Variants in CEP112 observed in about 807,000 individuals in gnomAD.
CEP112 encodes centrosomal protein 112.
CEP112 carries 127 observed loss-of-function variants against 153.0 expected under a neutral mutation model. The observed-to-expected ratio is 0.83, with a 90% CI of 0.72 to 0.96. CEP112 has a LOEUF of 0.96. Ranked by LOEUF, CEP112 falls within the 40% of genes least tolerant of loss-of-function variation. The probability of loss-of-function intolerance (pLI) is 0.00; values close to 1 mark genes in which losing one functional copy is unlikely to be tolerated. For synonymous variants in CEP112, 358 were observed against 374.4 expected, an observed-to-expected ratio of 0.96 and a Z score of 0.51; for missense variants, 1,089 against 1,101.2, an observed-to-expected ratio of 0.99 and a Z score of 0.16.
At chr17:65,706,609 T>C (rs1233238904) in intron 23 of CEP112, among the ~76,000 whole-genome samples, 1 of 152,228 alleles carries the variant, frequency 6.6e-6, no homozygotes, top group African/African-American at 2.4e-5. Context: ...TTCCCTCTCC[T>C]TCCACTCACC....
At chr17:65,976,257 T>G (rs1021375817) in intron 17 of CEP112, among the ~76,000 whole-genome samples, 5 of 152,260 alleles carry the variant, frequency 3.3e-5, no homozygotes, top group Admixed American at 1.3e-4. Flanking sequence ...AACCTTCACC[T>G]GGCCACACAC....
At chr17:65,949,809 C>T (rs556897966) in intron 18 of CEP112, among the ~76,000 whole-genome samples, 2 of 152,098 alleles carry the variant, frequency 1.3e-5, no homozygotes, top group African/African-American at 4.8e-5. Context: ...CTGGTAACAT[C>T]CTCATTTTGT....
intron 23 of CEP112, among the ~76,000 whole-genome samples, chr17:65,719,386 C>T (rs2049739300): frequency 6.6e-6 from 1 of 152,114 alleles, no homozygotes; most frequent in African/African-American, 2.4e-5. Context: ...ACCTGCCTGG[C>T]CAACATGTTG....
At chr17:66,074,795 A>G (rs1197969636) in intron 8 of CEP112, among the ~76,000 whole-genome samples, 1 of 146,354 alleles carries the variant, frequency 6.8e-6, no homozygotes, top group Non-Finnish European at 1.5e-5. Flanking sequence ...CCCAGGAGGC[A>G]GAGGTTGCAG....
intron 6 of CEP112, among the ~76,000 whole-genome samples, chr17:66,116,514 A>G (rs1037214569): frequency 6.6e-6 from 1 of 152,118 alleles, no homozygotes; most frequent in Non-Finnish European, 1.5e-5. Context: ...GTCAAATTTT[A>G]CCATGATTTA....
At chr17:65,958,721 C>A (rs1268806668) in intron 18 of CEP112, among the ~76,000 whole-genome samples, 1 of 152,152 alleles carries the variant, frequency 6.6e-6, no homozygotes, top group South Asian at 2.1e-4. Context: ...TGAACAGCAG[C>A]AGGGGGCAGA....
At chr17:65,962,726 A>AG (rs2062252663) in intron 17 of CEP112, among the ~76,000 whole-genome samples, 1 of 106,298 alleles carries the variant, frequency 9.4e-6, no homozygotes, top group African/African-American at 3.2e-5. Context: ...TGTTCTCATG[A>AG]TAGTGAGTCT....
At chr17:65,794,368 T>C (rs186704050) in intron 21 of CEP112, among the ~76,000 whole-genome samples, 44 of 152,352 alleles carry the variant, frequency 2.9e-4, no homozygotes, top group African/African-American at 1.1e-3. Flanking sequence ...CTTTGCCAAA[T>C]CTGAAGACAG....
intron 8 of CEP112, among the ~76,000 whole-genome samples, chr17:66,087,939 A>C (rs2068001021): frequency 6.6e-6 from 1 of 152,036 alleles, no homozygotes; most frequent in Non-Finnish European, 1.5e-5. Context: ...ACTCCCAGCC[A>C]GTACCCCAGG....
chr17:65,648,210 G>C (rs537723668), intron 24 of CEP112, among the ~76,000 whole-genome samples: 1 of 151,956 alleles, frequency 6.6e-6, no homozygotes, highest in Admixed American at 6.6e-5. Context: ...CAACCACATC[G>C]CACCAAAGAG....
At chr17:66,095,532 A>G (rs533357481) in intron 8 of CEP112, among the ~76,000 whole-genome samples, 1 of 152,308 alleles carries the variant, frequency 6.6e-6, no homozygotes, top group African/African-American at 2.4e-5. Context: ...GAGTTGGGAG[A>G]TACTGGTCAA....
intron 17 of CEP112, among the ~76,000 whole-genome samples, chr17:65,971,180 ACAGCACATG>A (rs2062764772): frequency 1.3e-5 from 2 of 151,936 alleles, no homozygotes; most frequent in South Asian, 4.1e-4. Context: ...CAGCACATGT[ACAGCACATG>A]CATATCACAT....
At position 65,727,154 on chromosome 17, in the gene CEP112, G is replaced by A. The variant is rs1191455931; in HGVS notation, c.2607+15914C>T. On this transcript the variant is annotated intron_variant, in intron 23 of 26. Coordinates refer to ENST00000535342, the MANE Select transcript of CEP112 (RefSeq NM_001199165.4). ...TCCCTGTATCTTCATCATTGACCACGTTTTCAAAATGAAAACTTATACTGG... is the reference window on the plus strand; with the variant it reads ...TCCCTGTATCTTCATCATTGACCACATTTTCAAAATGAAAACTTATACTGG... 3.3e-5 allele frequency among the ~76,000 whole-genome samples: 5 copies of A among 152,116 alleles called. No individual in the cohort carries two copies. In the East Asian group the frequency reaches 5.8e-4, roughly 18 times the overall value.
chr17:65,657,296 C>G (rs114905373), intron 24 of CEP112, among the ~76,000 whole-genome samples: 1 of 152,102 alleles, frequency 6.6e-6, no homozygotes, highest in Non-Finnish European at 1.5e-5. Flanking sequence ...TAATAACATT[C>G]CTAATATTTT....
At chr17:66,137,758 G>C (rs536623698) in intron 4 of CEP112, among the ~76,000 whole-genome samples, 2 of 152,064 alleles carry the variant, frequency 1.3e-5, no homozygotes, top group Admixed American at 1.3e-4. Flanking sequence ...TACGGTCCCA[G>C]ATAAACAAAA....
intron 20 of CEP112, among the ~76,000 whole-genome samples, chr17:65,857,715 G>C (rs2058172880): frequency 6.6e-6 from 1 of 150,610 alleles, no homozygotes; most frequent in African/African-American, 2.4e-5. Context: ...TTTTTTTTTG[G>C]ACTCTCCTTG....
rs151261482 is a variant in CEP112, at chr17:66,168,049, C to T, written c.470+6995G>A. Among the ~76,000 whole-genome samples the T allele has an allele frequency of 3.5e-3, 527 of 152,246 alleles. 1 individual carries two copies. Among genetic ancestry groups the T allele is most frequent in the African/African-American group, 0.012 (489 of 41,546 alleles). ...TCTGTTATACAAATTTATTAATTTG[C>T]AATGTGTATGCACAAACATTTTAAC... On this transcript the variant is annotated intron_variant, in intron 4 of 26. Coordinates refer to ENST00000535342, the MANE Select transcript of CEP112 (RefSeq NM_001199165.4).
intron 4 of CEP112, among the ~76,000 whole-genome samples, chr17:66,154,380 G>T (rs112708502): frequency 0.29 from 42,816 of 150,184 alleles, 6,298 homozygotes; most frequent in Non-Finnish European, 0.32. Flanking sequence ...CTGGGTGTGG[G>T]GGGGGGAGCC....
chr17:65,706,486 T>G (rs2048919507), intron 23 of CEP112, among the ~76,000 whole-genome samples: 1 of 152,216 alleles, frequency 6.6e-6, no homozygotes, highest in South Asian at 2.1e-4. Context: ...GGGGCTTTTG[T>G]GCAATGCCTA....
Sources: allele counts gnomAD v4.1 joint callset (sites outside exome capture counted in the v4.1 genomes callset), GRCh38; gene constraint gnomAD v4.1.1; transcripts MANE v1.5; gene names NCBI Gene and HGNC (gene_info 2026-07-23, HGNC 2026-07-21).